The following ROBO2 variants were observed in gnomAD, a reference collection of about 807,000 sequenced individuals.
The protein encoded by ROBO2 is roundabout guidance receptor 2, also known as roundabout homolog 2.
In ROBO2, 53 loss-of-function variants were observed where a neutral mutation model predicts 160.8. The observed-to-expected ratio is 0.33, with a 90% CI of 0.26 to 0.41. The LOEUF (loss-of-function observed/expected upper bound fraction) is 0.41, where lower values mean the gene tolerates loss of function less well. Among genes scored for constraint, ROBO2 ranks in the 10% least tolerant of loss-of-function variants. ROBO2 has a pLI of 1.00. For synonymous variants in ROBO2, 664 were observed against 611.7 expected (o/e 1.09, Z -1.26); for missense variants, 1,577 against 1,722.4 (o/e 0.92, Z 1.49).
At chr3:76,148,595 C>T (rs2072011400) in intron 2 of ROBO2, among the ~76,000 whole-genome samples, 1 of 152,080 alleles carries the variant, frequency 6.6e-6, no homozygotes, top group African/African-American at 2.4e-5. Context: ...CTTCTGGAGC[C>T]TCCCTCTTCA....
chr3:77,214,676 A>G (rs1253047009), intron 2 of ROBO2, among the ~76,000 whole-genome samples: 3 of 152,248 alleles, frequency 2.0e-5, no homozygotes, highest in African/African-American at 4.8e-5. Context: ...TCCTAGCCTC[A>G]ATGGTCTTTA....
intron 2 of ROBO2, among the ~76,000 whole-genome samples, chr3:76,021,954 C>G (rs754651232): frequency 6.7e-6 from 1 of 150,180 alleles, no homozygotes; most frequent in Non-Finnish European, 1.5e-5. Flanking sequence ...TGTTTGATAG[C>G]TTTTTCCCCA....
chr3:77,244,464 A>C (rs79236749), intron 2 of ROBO2, among the ~76,000 whole-genome samples: 2,161 of 152,282 alleles, frequency 0.014, 49 homozygotes, highest in African/African-American at 0.048. Flanking sequence ...CATAAATATC[A>C]TTGGGTGTGT....
intron 2 of ROBO2, among the ~76,000 whole-genome samples, chr3:76,724,246 C>G (rs1182181398): frequency 6.6e-6 from 1 of 152,292 alleles, no homozygotes; most frequent in Admixed American, 6.5e-5. Context: ...GACCAGCCCT[C>G]TGGACCCCCT....
At chr3:76,114,118 T>C (rs2070359944) in intron 2 of ROBO2, among the ~76,000 whole-genome samples, 1 of 152,124 alleles carries the variant, frequency 6.6e-6, no homozygotes, top group African/African-American at 2.4e-5. Context: ...TTTATAGCAA[T>C]AGAAAATGGA....
intron 2 of ROBO2, among the ~76,000 whole-genome samples, chr3:77,170,619 A>G (rs532084878): frequency 2.3e-4 from 35 of 152,106 alleles, no homozygotes; most frequent in Non-Finnish European, 4.7e-4. Flanking sequence ...CTCAACTGTT[A>G]TCTGGTCCTA....
intron 2 of ROBO2, among the ~76,000 whole-genome samples, chr3:76,485,972 A>G (rs114907182): frequency 3.9e-5 from 6 of 152,178 alleles, no homozygotes; most frequent in Admixed American, 6.5e-5. Flanking sequence ...ATTATATGAG[A>G]TGTCACTCAT....
At chr3:76,814,441 AGT>A in intron 2 of ROBO2, among the ~76,000 whole-genome samples, 1 of 152,282 alleles carries the variant, frequency 6.6e-6, no homozygotes, top group African/African-American at 2.4e-5. Flanking sequence ...GAGCAAATAT[AGT>A]GCGTGCCAAT....
In ROBO2 at chr3:77,040,978, G is replaced by A. The variant is rs571844260; in HGVS notation, c.61+132G>A. ...CTGTTAGTCCGTTTTGGCCCGGCAC[G>A]GGCTCCTTGGGGGCAGAGGTTTTAT... On this transcript the variant is annotated intron_variant, in intron 1 of 25. Transcript: ENST00000461745. 1.9e-5 allele frequency: 21 copies of A among 1,125,152 alleles called. No individual in the cohort carries two copies. The African/African-American group carries it at 2.5e-4, about 13-fold the overall frequency. The allele number at this position is 1,125,152 out of a possible 1,614,324, so 69.7% of individuals were successfully genotyped here. A position where few individuals can be genotyped will look rare whatever the true frequency, so the allele number is the denominator to read the frequency against.
In ROBO2 at chr3:76,968,267, C is replaced by T. The variant is rs1020612790; in HGVS notation, c.110-129747C>T. Among the ~76,000 whole-genome samples the T allele has an allele frequency of 7.9e-5, 12 of 152,090 alleles. 1 individual carries two copies. The highest frequency in any genetic ancestry group is 2.2e-4 in the African/African-American group (9 of 41,420). ...TTTATAGATTAGTCTTGCAGCTATACGTTATGTTTATGAAATTTCTAATAT... is the reference window on the plus strand; with the variant it reads ...TTTATAGATTAGTCTTGCAGCTATATGTTATGTTTATGAAATTTCTAATAT... On this transcript the variant is annotated intron_variant, in intron 2 of 26. Coordinates refer to the ROBO2 transcript ENST00000487694.
In ROBO2 at chr3:77,455,663, C is replaced by T. The variant is rs547325430; in HGVS notation, c.389-21751C>T. 9.2e-5 allele frequency among the ~76,000 whole-genome samples: 14 copies of T among 151,996 alleles called. No homozygotes were observed. In the South Asian group the frequency reaches 2.9e-3, roughly 32 times the overall value. ...GCCAGGATGGTCTCGATCTCCTGAC[C>T]TCGTGATCCGCCCGCCTCGGGCTCC... On this transcript the variant is annotated intron_variant, in intron 2 of 25. Coordinates refer to ENST00000461745, the Ensembl canonical transcript of ROBO2.
At chr3:76,673,571 A>G (rs1266716787) in intron 2 of ROBO2, among the ~76,000 whole-genome samples, 14 of 152,188 alleles carry the variant, frequency 9.2e-5, no homozygotes, top group Non-Finnish European at 1.3e-4. Flanking sequence ...TAGTAAATAG[A>G]AATCAAGAAA....
intron 2 of ROBO2, among the ~76,000 whole-genome samples, chr3:76,709,300 T>C (rs2093238716): frequency 6.6e-6 from 1 of 152,210 alleles, no homozygotes; most frequent in Non-Finnish European, 1.5e-5. Context: ...AGCTCAACAA[T>C]GTCAGATTTA....
At chr3:77,015,735 C>G (rs2062198403) in intron 2 of ROBO2, among the ~76,000 whole-genome samples, 1 of 152,154 alleles carries the variant, frequency 6.6e-6, no homozygotes, top group Non-Finnish European at 1.5e-5. Flanking sequence ...GGTCCTATTG[C>G]TGGGTTCTCC....
At chr3:76,737,031 GT>G (rs1314512706) in intron 2 of ROBO2, among the ~76,000 whole-genome samples, 1 of 152,192 alleles carries the variant, frequency 6.6e-6, no homozygotes, top group East Asian at 1.9e-4. Context: ...GCTCTGCAAA[GT>G]TATTGAGAAT....
intron 2 of ROBO2, among the ~76,000 whole-genome samples, chr3:77,161,730 G>GTT (rs139940984): frequency 1.4e-5 from 2 of 143,958 alleles, no homozygotes; most frequent in African/African-American, 5.6e-5. Flanking sequence ...CTGAAAATAC[G>GTT]TTTTTTTTTT....
intron 2 of ROBO2, among the ~76,000 whole-genome samples, chr3:76,333,894 A>G (rs1276698745): frequency 6.6e-6 from 1 of 152,180 alleles, no homozygotes; most frequent in Non-Finnish European, 1.5e-5. Flanking sequence ...TCGCAAGGAC[A>G]AAAAACCAAG....
At chr3:76,629,441 C>G (rs2089888466) in intron 2 of ROBO2, among the ~76,000 whole-genome samples, 1 of 152,102 alleles carries the variant, frequency 6.6e-6, no homozygotes. Flanking sequence ...GAAGCCAGTC[C>G]AAGTTCCAAA....
chr3:77,125,861 A>G (rs2075271955), intron 2 of ROBO2, among the ~76,000 whole-genome samples: 1 of 152,178 alleles, frequency 6.6e-6, no homozygotes, highest in Admixed American at 6.5e-5. Flanking sequence ...TACAATTGTC[A>G]TAAAAATATG....
Sources: gnomAD v4.1 joint callset for allele counts (sites outside exome capture counted in the v4.1 genomes callset) on GRCh38, gnomAD v4.1.1 for gene constraint, MANE v1.5 for transcripts, NCBI Gene and HGNC (gene_info 2026-07-23, HGNC 2026-07-21) for gene names.